Variants in CSMD2 observed in about 807,000 individuals in gnomAD.
CSMD2 encodes CUB and Sushi multiple domains 2.
CSMD2 carries 130 observed loss-of-function variants against 398.5 expected under a neutral mutation model. The observed-to-expected ratio is 0.33, with a 90% CI of 0.28 to 0.38. CSMD2 has a LOEUF of 0.38. Ranked by LOEUF, CSMD2 falls within the 10% of genes least tolerant of loss-of-function variation. The pLI is 1.00. For missense variants in CSMD2, 3,829 were observed against 4,764.9 expected (o/e 0.80, Z 5.78); for synonymous variants, 1,828 against 1,908.5 (o/e 0.96, Z 1.10).
intron 11 of CSMD2, among the ~76,000 whole-genome samples, chr1:33,790,595 T>A (rs1367213020): frequency 6.6e-6 from 1 of 152,204 alleles, no homozygotes; most frequent in Admixed American, 6.5e-5. Flanking sequence ...TTGGGACCTG[T>A]CAGTCTCCCA....
intron 3 of CSMD2, among the ~76,000 whole-genome samples, chr1:33,968,948 T>C (rs1354869624): frequency 1.3e-5 from 2 of 152,252 alleles, no homozygotes; most frequent in Admixed American, 6.5e-5. Flanking sequence ...TTCAGGCCTC[T>C]GCTAGCCTTC....
At chr1:33,764,834 T>G (rs1023623693) in intron 13 of CSMD2, among the ~76,000 whole-genome samples, 1 of 152,224 alleles carries the variant, frequency 6.6e-6, no homozygotes, top group Non-Finnish European at 1.5e-5. Context: ...TGTTTGAAAT[T>G]GCATTTGTCC....
chr1:33,635,778 C>T lies in CSMD2; in HGVS notation c.4970-448G>A, dbSNP rs937794975. On this transcript the variant is annotated intron_variant, in intron 30 of 70. Transcript: ENST00000373381. The surrounding 1 kb of genome is among the most constrained non-coding windows in gnomAD (Gnocchi z 5.0). ...CATGGGGAGTGGCCAGCCCATGTGACCCAGCCACCTTCTGTTCCTCTCCAA... is the reference window on the plus strand; with the variant it reads ...CATGGGGAGTGGCCAGCCCATGTGATCCAGCCACCTTCTGTTCCTCTCCAA... 6.6e-6 allele frequency among the ~76,000 whole-genome samples: 1 copy of T among 152,150 alleles called. No individual in the cohort carries two copies. Among genetic ancestry groups the T allele is most frequent in the South Asian group, 2.1e-4 (1 of 4,828 alleles).
intron 6 of CSMD2, among the ~76,000 whole-genome samples, chr1:33,828,872 A>G (rs992312163): frequency 6.6e-6 from 1 of 152,212 alleles, no homozygotes; most frequent in African/African-American, 2.4e-5. Context: ...TCATCATGCA[A>G]CGCAAGCTTG....
intron 25 of CSMD2, among the ~76,000 whole-genome samples, chr1:33,680,148 C>CTTT (rs34735969): frequency 0.011 from 965 of 88,462 alleles, 18 homozygotes; most frequent in African/African-American, 0.028. Flanking sequence ...ATGGCCTCGC[C>CTTT]TTTTTTTTTT....
In CSMD2 at chr1:33,557,860, G is replaced by C. The variant is rs148764689; in HGVS notation, c.8617C>G (p.Pro2873Ala). 1 of 1,536,010 alleles carries C rather than the reference G, an allele frequency of 6.5e-7. No individual in the cohort carries two copies. The highest frequency in any genetic ancestry group is 8.7e-7 in the Non-Finnish European group (1 of 1,146,918). ...NSVRQVHASG[P>A]HRFSFGTTVS... ...GTGGTGCCGAAGCTGAACCTGTGCG[G>C]GCCGCTGGCGTGGACCTGACGAACA... The change falls in exon 55 of 71, where the codon CCG becomes GCG. Residue 2873 changes from proline to alanine, a missense_variant. Physicochemically the swap from Pro to Ala is conservative, Grantham distance 27. Transcript: ENST00000373381.
intron 10 of CSMD2, among the ~76,000 whole-genome samples, chr1:33,803,478 T>C (rs1655853246): frequency 6.6e-6 from 1 of 152,212 alleles, no homozygotes; most frequent in Admixed American, 6.5e-5. Context: ...TTTTTAACTC[T>C]ACCACTGGAC....
chr1:33,896,969 G>A (rs571910031), intron 5 of CSMD2, among the ~76,000 whole-genome samples: 4 of 152,138 alleles, frequency 2.6e-5, no homozygotes, highest in East Asian at 1.9e-4. Context: ...GGGAATAAGA[G>A]GGAGGGTAGG....
In CSMD2 at chr1:33,635,273, G is replaced by T; in HGVS notation, c.5027C>A (p.Pro1676His). The change falls in exon 31 of 71, where the codon CCC becomes CAC. Residue 1676 changes from proline (P) to histidine (H), a missense_variant. By Grantham distance (77) the Pro-to-His change is moderately conservative (BLOSUM62 -2). This residue lies in a region of CSMD2 where 2,001 missense variants were observed against 2,567.1 expected (regional missense o/e 0.78). Transcript: ENST00000373381. The surrounding 1 kb of genome is among the most constrained non-coding windows in gnomAD (Gnocchi z 5.0). ...SDGVVLSPNY[P>H]QNYTSGQICL... ...GATCTGTCCACTGGTGTAGTTCTGG[G>T]GGTAGTTGGGGGACAAGACCACTCC... The T allele has an allele frequency of 6.2e-7, 1 of 1,613,544 alleles. No homozygotes were observed. Among genetic ancestry groups the T allele is most frequent in the Non-Finnish European group, 8.5e-7 (1 of 1,179,632 alleles).
intron 1 of CSMD2, among the ~76,000 whole-genome samples, chr1:34,120,907 T>C (rs957251681): frequency 1.3e-5 from 2 of 152,214 alleles, no homozygotes; most frequent in Admixed American, 6.5e-5. Flanking sequence ...CCTCCTGCCA[T>C]ATGCCCAGCG....
intron 1 of CSMD2, among the ~76,000 whole-genome samples, chr1:34,119,909 A>G (rs552009435): frequency 6.6e-5 from 10 of 152,174 alleles, no homozygotes; most frequent in Non-Finnish European, 1.2e-4. Context: ...TCAACAACCT[A>G]TTTCTGGGTC....
intron 3 of CSMD2, among the ~76,000 whole-genome samples, chr1:34,026,895 A>G (rs1649723558): frequency 6.6e-6 from 1 of 150,552 alleles, no homozygotes; most frequent in Non-Finnish European, 1.5e-5. Flanking sequence ...CCAAAGACAG[A>G]AAGGGAGACA....
At chr1:34,124,153 C>T (rs558323229) in intron 1 of CSMD2, among the ~76,000 whole-genome samples, 1 of 152,296 alleles carries the variant, frequency 6.6e-6, no homozygotes, top group Admixed American at 6.5e-5. Flanking sequence ...AAATTATAAG[C>T]TTTAGAAGAT....
chr1:33,663,624 CTA>C (rs1644215479), intron 25 of CSMD2, among the ~76,000 whole-genome samples: 1 of 152,150 alleles, frequency 6.6e-6, no homozygotes, highest in Non-Finnish European at 1.5e-5. Context: ...GGGATATTAG[CTA>C]TATGTAGGCC....
intron 41 of CSMD2, among the ~76,000 whole-genome samples, chr1:33,608,851 C>T (rs997437510): frequency 3.9e-5 from 6 of 152,156 alleles, no homozygotes; most frequent in South Asian, 2.1e-4. Flanking sequence ...AGTAAGTTTC[C>T]GTTGTTTAAG....
chr1:33,809,596 A>G (rs565678391), intron 10 of CSMD2, among the ~76,000 whole-genome samples: 16 of 152,128 alleles, frequency 1.1e-4, no homozygotes, highest in Admixed American at 2.6e-4. Flanking sequence ...AGAAATAAAA[A>G]CATTCTATTA....
chr1:33,844,830 C>A (rs1411078370), intron 6 of CSMD2, among the ~76,000 whole-genome samples: 1 of 152,162 alleles, frequency 6.6e-6, no homozygotes, highest in Non-Finnish European at 1.5e-5. Flanking sequence ...CACTAACATG[C>A]AAAACTTCAT....
chr1:33,814,545 C>T (rs985431280), intron 9 of CSMD2, among the ~76,000 whole-genome samples: 2 of 152,168 alleles, frequency 1.3e-5, no homozygotes, highest in Non-Finnish European at 2.9e-5. Context: ...ATATAGCAGG[C>T]GGGTCCTTTG....
chr1:33,851,804 T>C (rs1638729365), intron 5 of CSMD2, among the ~76,000 whole-genome samples: 1 of 152,132 alleles, frequency 6.6e-6, no homozygotes, highest in Admixed American at 6.6e-5. Flanking sequence ...CCCAAGACAA[T>C]CCCATGATGT....
Sources: gnomAD v4.1 joint callset for allele counts (sites outside exome capture counted in the v4.1 genomes callset) on GRCh38, gnomAD v4.1.1 for gene constraint, gnomAD v4.1.1 regional missense constraint, Gnocchi (gnomAD v3.1) non-coding constraint, MANE v1.5 for transcripts, NCBI Gene and HGNC (gene_info 2026-07-23, HGNC 2026-07-21) for gene names.